The following RBL2 variants were observed in gnomAD, a reference collection of about 807,000 sequenced individuals.
The protein encoded by RBL2 is retinoblastoma-like protein 2.
In RBL2, 56 loss-of-function variants were observed where a neutral mutation model predicts 126.0. That is an observed-to-expected ratio of 0.44 (90% confidence interval 0.36 to 0.56). RBL2 has a LOEUF of 0.56. Among genes scored for constraint, RBL2 ranks in the 20% least tolerant of loss-of-function variants. The pLI is 0.00. For missense variants in RBL2, 1,229 were observed against 1,398.2 expected (o/e 0.88, Z 1.93); for synonymous variants, 454 against 478.5 (o/e 0.95, Z 0.67).
intron 8 of RBL2, among the ~76,000 whole-genome samples, chr16:53,455,685 G>A (rs986537819): frequency 2.0e-5 from 3 of 152,300 alleles, no homozygotes; most frequent in East Asian, 1.9e-4. Flanking sequence ...GCTGTGGTAG[G>A]TAAGGTGGTT....
At chr16:53,489,901 T>G in intron 21 of RBL2, 1 of 348,786 alleles carries the variant, frequency 2.9e-6, no homozygotes, top group Non-Finnish European at 5.1e-6. Context: ...AAAGTGCCTG[T>G]GGAAGAGCTT....
chr16:53,482,824 A>C (rs1183833432), intron 21 of RBL2, among the ~76,000 whole-genome samples: 3 of 151,972 alleles, frequency 2.0e-5, no homozygotes, highest in South Asian at 2.1e-4. Flanking sequence ...AAAAAAAAAA[A>C]AAAAACGGTT....
At chr16:53,446,398 C>T (rs776365959) in intron 3 of RBL2, among the ~76,000 whole-genome samples, 37 of 152,154 alleles carry the variant, frequency 2.4e-4, no homozygotes, top group Non-Finnish European at 4.4e-4. Context: ...CACGGAATTT[C>T]GTTCTTCTGG....
intron 9 of RBL2, among the ~76,000 whole-genome samples, chr16:53,461,505 A>G (rs2058220674): frequency 6.6e-6 from 1 of 151,586 alleles, no homozygotes; most frequent in South Asian, 2.1e-4. Flanking sequence ...AAAAATATAT[A>G]TATATAAAAT....
intron 4 of RBL2, 120 bp from the exon 5 acceptor site, chr16:53,451,581 ATT>A: frequency 1.9e-6 from 2 of 1,074,886 alleles, no homozygotes; most frequent in South Asian, 3.5e-5. Flanking sequence ...CAAAACACTT[ATT>A]GTAATGAGTC....
chr16:53,437,115 T>G (rs2057965949), intron 1 of RBL2, among the ~76,000 whole-genome samples: 1 of 151,994 alleles, frequency 6.6e-6, no homozygotes, highest in Admixed American at 6.6e-5. Flanking sequence ...AAATAGAACA[T>G]TATAGATTAT....
chr16:53,467,880 A>T (rs187958916), intron 14 of RBL2, among the ~76,000 whole-genome samples: 3 of 152,366 alleles, frequency 2.0e-5, no homozygotes, highest in Admixed American at 6.5e-5. Context: ...CTTCTTAAAG[A>T]TAGAGCTGCA....
intron 14 of RBL2, among the ~76,000 whole-genome samples, chr16:53,469,178 C>T (rs949628701): frequency 6.6e-6 from 1 of 152,010 alleles, no homozygotes; most frequent in Non-Finnish European, 1.5e-5. Context: ...TGTAGTGAGC[C>T]GAGATCAGGC....
chr16:53,464,359 A>C lies in RBL2; in HGVS notation c.1694A>C (p.Tyr565Ser). The C allele has an allele frequency of 6.4e-7, 1 of 1,562,362 alleles. No individual in the cohort carries two copies. Among genetic ancestry groups the C allele is most frequent in the Non-Finnish European group, 8.8e-7 (1 of 1,138,840 alleles). ...TTTGATGTGCCTCTTTATCATTTTT[A>C]TAAGGTATTTTTAAAAATATGATAC... ...EIFDVPLYHF[Y>S]KVIEVFIRAE... Residue 565 changes from tyrosine (Y) to serine (S), a missense_variant, in exon 12 of 22, where the codon TAT (tyrosine) becomes TCT (serine). Tyr to Ser is a moderately radical substitution (Grantham distance 144). Around this residue, in one of 2 missense-constraint regions of RBL2, gnomAD observed 1,070 missense variants for 1,274.3 expected, o/e 0.84. Transcript: ENST00000262133.
intron 10 of RBL2, 89 bp downstream of exon 10, chr16:53,461,939 A>T (rs2058225374): frequency 1.7e-6 from 2 of 1,203,528 alleles, no homozygotes; most frequent in African/African-American, 1.5e-5. Flanking sequence ...TGAGGAAAAG[A>T]TTTATGACTT....
intron 17 of RBL2, 139 bp from the exon 18 acceptor site, chr16:53,479,015 C>A: frequency 1.5e-6 from 1 of 665,604 alleles, no homozygotes; most frequent in Non-Finnish European, 2.7e-6. Context: ...TGCTATATGC[C>A]GTTAATACCA....
Position 53,462,723 on chromosome 16 carries a change from G to C in RBL2, c.1560+68G>C, listed in dbSNP as rs150052537. 1,702 of 1,100,670 alleles carry C rather than the reference G, an allele frequency of 1.5e-3. 31 individuals carry two copies. In the East Asian group the frequency reaches 0.024, roughly 16 times the overall value. The allele number at this position is 1,100,670 out of a possible 1,614,324, so 68.2% of individuals were successfully genotyped here. A position where few individuals can be genotyped will look rare whatever the true frequency, so the allele number is the denominator to read the frequency against. ...AATTTCCTTCCTGCCCTATTCTGTG[G>C]GTTGTTTTTTTTACTTTATATATAG... On this transcript the variant is annotated intron_variant, in intron 11 of 21. Transcript: ENST00000262133.
chr16:53,491,283 G>A lies in RBL2; in HGVS notation c.*983G>A, dbSNP rs1054835875. On this transcript the variant is annotated 3_prime_UTR_variant, in exon 22 of 22. Transcript: ENST00000262133. ...GTGATATATTTAAAAATATTTTTGG[G>A]TGTTCCTGGCAGTTTAAAAAAATTG... is the stretch of plus-strand genomic sequence containing the variant. The A allele has an allele frequency of 3.9e-5, 6 of 151,988 alleles. No individual in the cohort carries two copies. Among genetic ancestry groups the A allele is most frequent in the Non-Finnish European group, 8.8e-5 (6 of 67,992 alleles). 9.4% of individuals were successfully genotyped at this position (151,988 alleles called of 1,614,324 possible). A position where few individuals can be genotyped will look rare whatever the true frequency, so the allele number is the denominator to read the frequency against.
intron 1 of RBL2, among the ~76,000 whole-genome samples, chr16:53,435,292 G>C (rs79624746): frequency 0.014 from 2,130 of 152,274 alleles, 51 homozygotes; most frequent in African/African-American, 0.046. Context: ...TCAACGTGCT[G>C]ATGCGTTTTG....
chr16:53,466,921 A>T, intron 13 of RBL2, 137 bp from the exon 14 acceptor site: 1 of 678,390 alleles, frequency 1.5e-6, no homozygotes, highest in African/African-American at 1.9e-5. Flanking sequence ...TAACTTTATT[A>T]TTAAAATGGG....
intron 11 of RBL2, among the ~76,000 whole-genome samples, chr16:53,463,816 C>G (rs1399787760): frequency 6.6e-6 from 1 of 151,986 alleles, no homozygotes; most frequent in Non-Finnish European, 1.5e-5. Context: ...ATCTGCCCAC[C>G]TTGGCCTCCC....
At chr16:53,485,219 G>GTGTT (rs1961119042) in intron 21 of RBL2, among the ~76,000 whole-genome samples, 1 of 152,174 alleles carries the variant, frequency 6.6e-6, no homozygotes, top group African/African-American at 2.4e-5. Flanking sequence ...TTGAAATACT[G>GTGTT]TGTTTTCACT....
At position 53,446,985 on chromosome 16, in the gene RBL2, G is replaced by A. The variant is rs967774899; in HGVS notation, c.573-57G>A. 9.6e-6 allele frequency: 10 copies of A among 1,036,296 alleles called. No individual in the cohort carries two copies. In the African/African-American group the frequency reaches 1.2e-4, roughly 12 times the overall value. 64.2% of individuals were successfully genotyped at this position (1,036,296 alleles called of 1,614,324 possible). A position where few individuals can be genotyped will look rare whatever the true frequency, so the allele number is the denominator to read the frequency against. On this transcript the variant is annotated intron_variant, in intron 3 of 21. Transcript: ENST00000262133. ...TTACACCTGATTTATAATCATTTGGGATTTTTTTTTCTGATTCTTCTGTTG... is the reference window on the plus strand; with the variant it reads ...TTACACCTGATTTATAATCATTTGGAATTTTTTTTTCTGATTCTTCTGTTG...
chr16:53,485,525 T>C (rs1281669950), intron 21 of RBL2, among the ~76,000 whole-genome samples: 1 of 152,110 alleles, frequency 6.6e-6, no homozygotes, highest in Non-Finnish European at 1.5e-5. Context: ...AATGGAAAAC[T>C]GTAAAGCAGA....
Sources: allele counts gnomAD v4.1 joint callset (sites outside exome capture counted in the v4.1 genomes callset), GRCh38; gene constraint gnomAD v4.1.1; regional missense constraint gnomAD v4.1.1; transcripts MANE v1.5; gene names NCBI Gene and HGNC (gene_info 2026-07-23, HGNC 2026-07-21).